The following ZSCAN2 variants were observed in gnomAD, a reference collection of about 807,000 sequenced individuals.
ZSCAN2 encodes the protein zinc finger and SCAN domain containing 2, also known as zinc finger and SCAN domain-containing protein 2.
ZSCAN2 carries 26 observed loss-of-function variants against 47.8 expected under a neutral mutation model. The observed-to-expected ratio is 0.54, with a 90% CI of 0.40 to 0.75. The LOEUF (loss-of-function observed/expected upper bound fraction) is 0.75. ZSCAN2 is among the 30% of genes least tolerant of loss of function. The pLI is 0.00. For synonymous variants in ZSCAN2, 305 were observed against 288.7 expected (o/e 1.06, Z -0.57); for missense variants, 732 against 785.4 (o/e 0.93, Z 0.81).
rs1895839399 is a variant in ZSCAN2 at position 84,622,555 on chromosome 15, G to A, written c.*515G>A. 6 of 711,984 alleles carry A rather than the reference G, an allele frequency of 8.4e-6. No individual in the cohort carries two copies. The highest frequency in any genetic ancestry group is 1.0e-5 in the Non-Finnish European group (4 of 382,312). 44.1% of individuals were successfully genotyped at this position (711,984 alleles called of 1,614,324 possible). A position where few individuals can be genotyped will look rare whatever the true frequency, so the allele number is the denominator to read the frequency against. ...AGTTAGAATCTGCTCTTCTGGCTTT[G>A]GTGTCTTGGGCTTTGATTTCAGGTC... On this transcript the variant is annotated 3_prime_UTR_variant, in exon 3 of 3. Coordinates refer to ENST00000546148, the MANE Select transcript of ZSCAN2 (RefSeq NM_181877.4).
intron 2 of ZSCAN2, chr15:84,616,315 C>A: frequency 6.9e-7 from 1 of 1,446,366 alleles, no homozygotes; most frequent in Non-Finnish European, 9.7e-7. Context: ...CCAGAAACAG[C>A]TTCCTGCGTA....
intron 1 of ZSCAN2, among the ~76,000 whole-genome samples, chr15:84,603,238 G>A (rs553078929): frequency 9.9e-5 from 15 of 152,234 alleles, no homozygotes; most frequent in African/African-American, 1.4e-4. Flanking sequence ...GTCACACAGT[G>A]CAAGTCGAAA....
At chr15:84,615,999 C>T (rs1315858013) in intron 2 of ZSCAN2, among the ~76,000 whole-genome samples, 2 of 151,996 alleles carry the variant, frequency 1.3e-5, no homozygotes, top group Admixed American at 6.6e-5. Flanking sequence ...TTTGGGAGGC[C>T]GAGGCAGTTG....
rs1895838945 is a variant in ZSCAN2 at position 84,622,525 on chromosome 15, C to T, written c.*485C>T. On this transcript the variant is annotated 3_prime_UTR_variant, in exon 3 of 3. Transcript: ENST00000546148. Reference sequence around the variant, plus strand: ...TGTTAGTGTTCCAGGGCACCCCAAGCTGTCAGTTAGAATCTGCTCTTCTGG... The same window carrying T: ...TGTTAGTGTTCCAGGGCACCCCAAGTTGTCAGTTAGAATCTGCTCTTCTGG... 1.5e-6 allele frequency: 1 copy of T among 686,638 alleles called. No individual in the cohort carries two copies. The highest frequency in any genetic ancestry group is 1.8e-5 in the African/African-American group (1 of 56,242). The allele number at this position is 686,638 out of a possible 1,614,324, so 42.5% of individuals were successfully genotyped here.
chr15:84,619,931 T>G (rs1309910655), intron 2 of ZSCAN2, among the ~76,000 whole-genome samples: 3 of 151,530 alleles, frequency 2.0e-5, no homozygotes, highest in Non-Finnish European at 2.9e-5. Context: ...GGGTTGGTTT[T>G]TTTTTTTTTT....
At chr15:84,613,686 T>A (rs866846872) in intron 2 of ZSCAN2, among the ~76,000 whole-genome samples, 20 of 151,950 alleles carry the variant, frequency 1.3e-4, no homozygotes, top group African/African-American at 4.8e-4. Flanking sequence ...TTCTTTTTTT[T>A]TTTTTTGAGA....
At position 84,621,582 on chromosome 15, in the gene ZSCAN2, G is replaced by A. The variant is rs757128140; in HGVS notation, c.1387G>A (p.Ala463Thr). ...KSFSQSSSLI[A>T]HQGMHTGEKP... Reference sequence around the variant, plus strand: ...CTTCAGCCAGAGCTCCAGTCTGATTGCACACCAGGGCATGCACACAGGGGA... The same window carrying A: ...CTTCAGCCAGAGCTCCAGTCTGATTACACACCAGGGCATGCACACAGGGGA... The change falls in exon 3 of 3, where the codon GCA becomes ACA. Residue 463 changes from alanine to threonine, a missense_variant. Physicochemically the swap from Ala to Thr is moderately conservative, Grantham distance 58 (BLOSUM62 0). Coordinates refer to ENST00000546148, the MANE Select transcript of ZSCAN2 (RefSeq NM_181877.4). The surrounding 1 kb of genome is among the most constrained non-coding windows in gnomAD (Gnocchi z 5.7). The A allele has an allele frequency of 6.2e-7, 1 of 1,613,880 alleles. No individual in the cohort carries two copies. The highest frequency in any genetic ancestry group is 8.5e-7 in the Non-Finnish European group (1 of 1,180,000).
At chr15:84,616,935 C>A (rs1330106378) in intron 2 of ZSCAN2, among the ~76,000 whole-genome samples, 1 of 152,082 alleles carries the variant, frequency 6.6e-6, no homozygotes, top group African/African-American at 2.4e-5. Context: ...CCTGCCTGAC[C>A]AACATGGAGA....
rs749503717 is a variant in ZSCAN2, at chr15:84,621,875, C to T, written c.1680C>T (p.Cys560=). ...RAHLGDKPYR[C]PECGKGFSWN... is the part of the protein sequence containing the mutation. ...ATTTGGGAGACAAGCCCTACAGGTG[C>T]CCTGAGTGTGGGAAAGGCTTTAGCT... The change falls in exon 3 of 3, where the codon TGC becomes TGT. Residue 560 remains cysteine, a synonymous_variant. Transcript: ENST00000546148. The surrounding 1 kb of genome is among the most constrained non-coding windows in gnomAD (Gnocchi z 5.7). 4 of 1,614,190 alleles carry T rather than the reference C, an allele frequency of 2.5e-6. No individual in the cohort carries two copies. In the South Asian group the frequency reaches 4.4e-5, roughly 18 times the overall value.
chr15:84,611,276 G>A (rs910973201), intron 2 of ZSCAN2, among the ~76,000 whole-genome samples: 8 of 150,292 alleles, frequency 5.3e-5, no homozygotes, highest in African/African-American at 2.0e-4. Context: ...GCAAGACTCC[G>A]TCTCCAAAAA....
chr15:84,621,020 G>A lies in ZSCAN2; in HGVS notation c.825G>A (p.Glu275=). ...GACACCAAACCACTCACACCGGGGA[G>A]AAGCCCTACAAATGCAGAGACTGTG... ...FSRHQTTHTG[E]KPYKCRDCGK... Residue 275 remains glutamate (E), a synonymous_variant, in exon 3 of 3, where the codon GAG becomes GAA. Transcript: ENST00000546148. The surrounding 1 kb of genome is among the most constrained non-coding windows in gnomAD (Gnocchi z 5.7). The A allele has an allele frequency of 6.2e-7, 1 of 1,614,094 alleles. No individual in the cohort carries two copies. Among genetic ancestry groups the A allele is most frequent in the Non-Finnish European group, 8.5e-7 (1 of 1,180,038 alleles).
intron 2 of ZSCAN2, among the ~76,000 whole-genome samples, chr15:84,617,210 C>T (rs1010811710): frequency 1.1e-4 from 16 of 150,386 alleles, no homozygotes; most frequent in East Asian, 2.0e-4. Context: ...CCAAGGCGGG[C>T]GGCTCACTTG....
chr15:84,622,542 C>G lies in ZSCAN2; in HGVS notation c.*502C>G. 2.8e-6 allele frequency: 2 copies of G among 705,500 alleles called. No homozygotes were observed. The highest frequency in any genetic ancestry group is 5.3e-6 in the Non-Finnish European group (2 of 379,002). 43.7% of individuals were successfully genotyped at this position (705,500 alleles called of 1,614,324 possible). A position where few individuals can be genotyped will look rare whatever the true frequency, so the allele number is the denominator to read the frequency against. On this transcript the variant is annotated 3_prime_UTR_variant, in exon 3 of 3. Transcript: ENST00000546148. ...ACCCCAAGCTGTCAGTTAGAATCTG[C>G]TCTTCTGGCTTTGGTGTCTTGGGCT... is the stretch of plus-strand genomic sequence containing the variant.
chr15:84,612,657 C>T (rs1026194782), intron 2 of ZSCAN2, among the ~76,000 whole-genome samples: 3 of 152,010 alleles, frequency 2.0e-5, no homozygotes, highest in Non-Finnish European at 4.4e-5. Context: ...ATGGCGTGAA[C>T]CCGGTAGGCG....
At chr15:84,620,573 A>C in intron 2 of ZSCAN2, 29 bp from the exon 3 acceptor site, 1 of 1,554,194 alleles carries the variant, frequency 6.4e-7, no homozygotes, top group Non-Finnish European at 8.8e-7. Context: ...AGTTGAGTAG[A>C]CATTGTATGT....
At chr15:84,605,867 T>G (rs767093716) in intron 2 of ZSCAN2, among the ~76,000 whole-genome samples, 2 of 152,206 alleles carry the variant, frequency 1.3e-5, no homozygotes, top group African/African-American at 2.4e-5. Context: ...GAAATATGCT[T>G]AGCATCTAAT....
chr15:84,621,647 C>T lies in ZSCAN2; in HGVS notation c.1452C>T (p.Ser484=), dbSNP rs770895458. 6.2e-7 allele frequency: 1 copy of T among 1,614,036 alleles called. No individual in the cohort carries two copies. Among genetic ancestry groups the T allele is most frequent in the Non-Finnish European group, 8.5e-7 (1 of 1,179,982 alleles). Residue 484 remains serine (S), a synonymous_variant, in exon 3 of 3, where the codon AGC becomes AGT. Transcript: ENST00000546148. This position sits in a 1 kb window ranked among gnomAD's most constrained non-coding sequence, Gnocchi z 5.7. ...YECLTCGESF[S]WSSNLLKHQR... ...GCCTGACATGTGGGGAGAGCTTCAG[C>T]TGGAGCTCCAACCTCCTCAAGCACC...
In ZSCAN2 at chr15:84,604,132, G is replaced by A. The variant is rs1028004383; in HGVS notation, c.205G>A (p.Val69Met). ...SAGKGGPQEE[V>M]TRGPQGALGR... ...TGGCAAGGGCGGCCCCCAGGAGGAGGTGACCAGGGGACCACAGGGTGCACT... is the reference window on the plus strand; with the variant it reads ...TGGCAAGGGCGGCCCCCAGGAGGAGATGACCAGGGGACCACAGGGTGCACT... Residue 69 changes from valine to methionine, a missense_variant, in exon 2 of 3, where the codon GTG becomes ATG. Coordinates refer to ENST00000546148, the MANE Select transcript of ZSCAN2 (RefSeq NM_181877.4). 3.7e-6 allele frequency: 6 copies of A among 1,613,924 alleles called. No homozygotes were observed. In the African/African-American group the frequency reaches 4.0e-5, roughly 11 times the overall value.
intron 2 of ZSCAN2, among the ~76,000 whole-genome samples, chr15:84,610,326 G>A (rs1391560129): frequency 6.6e-6 from 1 of 152,164 alleles, no homozygotes; most frequent in Admixed American, 6.5e-5. Flanking sequence ...TGACATGTGA[G>A]AGAATATTTT....
Sources: allele counts gnomAD v4.1 joint callset (sites outside exome capture counted in the v4.1 genomes callset), GRCh38; gene constraint gnomAD v4.1.1; non-coding constraint Gnocchi (gnomAD v3.1); transcripts MANE v1.5; gene names NCBI Gene and HGNC (gene_info 2026-07-23, HGNC 2026-07-21).